ALDH1A3: variants seen among roughly 807,000 people sequenced by gnomAD.
ALDH1A3 encodes the protein aldehyde dehydrogenase 1 family member A3.
ALDH1A3 carries 28 observed loss-of-function variants against 57.5 expected under a neutral mutation model. The ratio of observed to expected loss-of-function variants is 0.49; its 90% CI spans 0.36 to 0.67. The LOEUF is 0.67. ALDH1A3 is among the 30% of genes least tolerant of loss of function. The pLI, the probability that ALDH1A3 is intolerant of heterozygous loss-of-function variation, is 0.00. For synonymous variants in ALDH1A3, 281 were observed against 264.8 expected (o/e 1.06, Z -0.59); for missense variants, 507 against 669.4 (o/e 0.76, Z 2.68).
chr15:100,888,851 A>G (rs2141551261), intron 3 of ALDH1A3: 2 of 152,366 alleles, frequency 1.3e-5, no homozygotes, highest in Middle Eastern at 6.8e-3. Context: ...GACAGCTATC[A>G]TTAATAATAG....
At position 100,887,336 on chromosome 15, in the gene ALDH1A3, C is replaced by G. The variant is rs145742760; in HGVS notation, c.205-236C>G. 1.7e-3 allele frequency among the ~76,000 whole-genome samples: 238 copies of G among 142,088 alleles called. No individual in the cohort carries two copies. Among genetic ancestry groups the G allele is most frequent in the Non-Finnish European group, 2.5e-3 (155 of 61,318 alleles). 93.2% of individuals were successfully genotyped at this position (142,088 alleles called of 152,430 possible). On this transcript the variant is annotated intron_variant, in intron 2 of 12. Transcript: ENST00000329841. This position sits in a 1 kb window ranked among gnomAD's most constrained non-coding sequence, Gnocchi z 4.6. ...TGCAGTCACGTCAAAAGATGACACC[C>G]AAACTGCAGTCACCTCAAAAGATGA...
chr15:100,896,680 G>C (rs748656899), intron 7 of ALDH1A3, among the ~76,000 whole-genome samples: 10 of 152,124 alleles, frequency 6.6e-5, no homozygotes, highest in Admixed American at 1.3e-4. Context: ...AAAACTTTTC[G>C]ATTCAGAAGC....
intron 3 of ALDH1A3, among the ~76,000 whole-genome samples, chr15:100,890,583 G>T (rs1321922556): frequency 6.6e-6 from 1 of 152,138 alleles, no homozygotes; most frequent in Non-Finnish European, 1.5e-5. Flanking sequence ...CTGGCTTGTT[G>T]ACCTGTAGGA....
chr15:100,916,400 A>G lies in ALDH1A3; in HGVS notation c.*1627A>G, dbSNP rs1160474009. The G allele has an allele frequency of 6.6e-6, 1 of 152,544 alleles. No homozygotes were observed. The highest frequency in any genetic ancestry group is 2.4e-5 in the African/African-American group (1 of 41,438). The allele number at this position is 152,544 out of a possible 1,614,324, so 9.4% of individuals were successfully genotyped here. The stretch of plus-strand genomic sequence containing the variant: ...ATGCTACATTATTTATAATTGGTAG[A>G]GTTATTGTATCTTTTTATAGTTGTA... On this transcript the variant is annotated 3_prime_UTR_variant, in exon 13 of 13. Coordinates refer to ENST00000329841, the MANE Select transcript of ALDH1A3 (RefSeq NM_000693.4).
chr15:100,897,104 C>T (rs2041712206), intron 7 of ALDH1A3, among the ~76,000 whole-genome samples: 1 of 152,210 alleles, frequency 6.6e-6, no homozygotes, highest in Non-Finnish European at 1.5e-5. Context: ...TGTCCCCATC[C>T]CCCTCCTTAG....
chr15:100,887,899 A>G lies in ALDH1A3; in HGVS notation c.345+187A>G, dbSNP rs1229461220. Reference sequence around the variant, plus strand: ...AATGCCTCTAGACTGAATCCCTTTCATTTTGAAGTCAGACTTTTGTCCTCT... The same window carrying G: ...AATGCCTCTAGACTGAATCCCTTTCGTTTTGAAGTCAGACTTTTGTCCTCT... On this transcript the variant is annotated intron_variant, in intron 3 of 12. Transcript: ENST00000329841. The surrounding 1 kb of genome is among the most constrained non-coding windows in gnomAD (Gnocchi z 4.6). Among the ~76,000 whole-genome samples the G allele has an allele frequency of 6.6e-6, 1 of 151,968 alleles. No homozygotes were observed. The highest frequency in any genetic ancestry group is 1.5e-5 in the Non-Finnish European group (1 of 68,002).
chr15:100,883,989 C>G (rs1028902254), intron 1 of ALDH1A3, among the ~76,000 whole-genome samples: 1 of 152,226 alleles, frequency 6.6e-6, no homozygotes, highest in Non-Finnish European at 1.5e-5. Context: ...GCTATGTATA[C>G]CACATGCAGA....
intron 1 of ALDH1A3, chr15:100,881,584 A>G: frequency 6.6e-6 from 1 of 151,982 alleles, no homozygotes; most frequent in East Asian, 1.9e-4. Context: ...GATTTTTAGG[A>G]CACTTTTAAA....
chr15:100,915,993 A>T lies in ALDH1A3; in HGVS notation c.*1220A>T, dbSNP rs2041926897. ...TGTTCCCATATAGCTTCAAAAACAA[A>T]AACAAATGTGTTATCCGACGGATAC... On this transcript the variant is annotated 3_prime_UTR_variant, in exon 13 of 13. Coordinates refer to ENST00000329841, the MANE Select transcript of ALDH1A3 (RefSeq NM_000693.4). 1 of 152,262 alleles carries T rather than the reference A, an allele frequency of 6.6e-6. No homozygotes were observed. Among genetic ancestry groups the T allele is most frequent in the African/African-American group, 2.4e-5 (1 of 41,468 alleles). The allele number at this position is 152,262 out of a possible 1,614,324, so 9.4% of individuals were successfully genotyped here.
chr15:100,904,029 T>C (rs2041797370), intron 9 of ALDH1A3, among the ~76,000 whole-genome samples: 1 of 152,228 alleles, frequency 6.6e-6, no homozygotes, highest in Middle Eastern at 3.2e-3. Context: ...TTTTGGCTTC[T>C]GCATTTTGAG....
At chr15:100,880,079 G>A (rs1191845510) in intron 1 of ALDH1A3, 73 bp downstream of exon 1, 7 of 1,158,056 alleles carry the variant, frequency 6.0e-6, no homozygotes, top group Admixed American at 4.1e-5. Flanking sequence ...GGCGGCGGGG[G>A]CGAGGGAGCA....
Position 100,907,281 on chromosome 15 carries a change from G to A in ALDH1A3, c.1391+3G>A, listed in dbSNP as rs2041831607. ...GCCTTAGAGTCTGGAACGGTCTGGT[G>A]AGTTGACTGTGTGTGTATTTCAGCT... is the stretch of plus-strand genomic sequence containing the variant. On this transcript the variant is annotated splice_donor_region_variant and intron_variant, in intron 11 of 12. Transcript: ENST00000329841. 2 of 1,613,114 alleles carry A rather than the reference G, an allele frequency of 1.2e-6. No individual in the cohort carries two copies. Among genetic ancestry groups the A allele is most frequent in the African/African-American group, 2.7e-5 (2 of 74,856 alleles).
At chr15:100,910,290 G>GC (rs1254617490) in intron 12 of ALDH1A3, among the ~76,000 whole-genome samples, 3 of 152,220 alleles carry the variant, frequency 2.0e-5, no homozygotes, top group Non-Finnish European at 4.4e-5. Flanking sequence ...AAACCCCTTT[G>GC]CAGAAATTGC....
In ALDH1A3 at chr15:100,901,338, T is replaced by C. The variant is rs1406424849; in HGVS notation, c.1068+579T>C. On this transcript the variant is annotated intron_variant, in intron 9 of 12. Transcript: ENST00000329841. ...TCCTGTATCACTTTCTTACTAATTATGAAGTGAAGCAGATGGATAAATATT... is the reference window on the plus strand; with the variant it reads ...TCCTGTATCACTTTCTTACTAATTACGAAGTGAAGCAGATGGATAAATATT... 3.9e-5 allele frequency among the ~76,000 whole-genome samples: 6 copies of C among 152,204 alleles called. No homozygotes were observed. The East Asian group carries it at 7.7e-4, about 20-fold the overall frequency.
At chr15:100,884,076 G>C (rs779826652) in intron 1 of ALDH1A3, among the ~76,000 whole-genome samples, 3 of 152,198 alleles carry the variant, frequency 2.0e-5, no homozygotes, top group Admixed American at 2.0e-4. Context: ...AGAGACATGC[G>C]TGTCAGCCAT....
intron 12 of ALDH1A3, 37 bp from the exon 13 acceptor site, chr15:100,914,664 T>C: frequency 6.3e-7 from 1 of 1,598,144 alleles, no homozygotes; most frequent in Non-Finnish European, 8.6e-7. Context: ...CTAAGGGATG[T>C]ACCCATTTTG....
intron 3 of ALDH1A3, chr15:100,888,540 T>A (rs2041619328): frequency 6.6e-6 from 1 of 152,210 alleles, no homozygotes; most frequent in Admixed American, 6.5e-5. Context: ...TAGAAAAAAT[T>A]GTTCCCATGT....
At chr15:100,886,433 C>T (rs890211657) in intron 2 of ALDH1A3, among the ~76,000 whole-genome samples, 7 of 152,174 alleles carry the variant, frequency 4.6e-5, no homozygotes, top group African/African-American at 1.7e-4. Flanking sequence ...CTGTTCTGAG[C>T]CAGAGGCCAC....
intron 8 of ALDH1A3, among the ~76,000 whole-genome samples, chr15:100,898,597 C>T (rs1567171444): frequency 6.6e-6 from 1 of 152,206 alleles, no homozygotes; most frequent in Non-Finnish European, 1.5e-5. Context: ...CTCCAAGTCA[C>T]ATTTCCTATC....
Sources: gnomAD v4.1 joint callset for allele counts (sites outside exome capture counted in the v4.1 genomes callset) on GRCh38, gnomAD v4.1.1 for gene constraint, Gnocchi (gnomAD v3.1) non-coding constraint, MANE v1.5 for transcripts, NCBI Gene and HGNC (gene_info 2026-07-23, HGNC 2026-07-21) for gene names.